Variants in WDFY4 observed in about 807,000 individuals in gnomAD.
WDFY4 encodes the protein WDFY family member 4.
In WDFY4, 169 loss-of-function variants were observed where a neutral mutation model predicts 351.9. The ratio of observed to expected loss-of-function variants is 0.48; its 90% CI spans 0.42 to 0.55. The LOEUF (loss-of-function observed/expected upper bound fraction) is 0.55. Ranked by LOEUF, WDFY4 falls within the 20% of genes least tolerant of loss-of-function variation. The pLI is 0.00. For synonymous variants in WDFY4, 1,622 were observed against 1,574.6 expected (o/e 1.03, Z -0.71); for missense variants, 3,803 against 3,935.6 (o/e 0.97, Z 0.90).
intron 1 of WDFY4, among the ~76,000 whole-genome samples, chr10:48,698,476 C>T (rs1589407666): frequency 6.6e-6 from 1 of 152,144 alleles, no homozygotes; most frequent in African/African-American, 2.4e-5. Flanking sequence ...AGTGGCCTCC[C>T]GGAGGAACAG....
chr10:48,772,815 C>T (rs11101472), intron 13 of WDFY4, among the ~76,000 whole-genome samples: 5 of 147,746 alleles, frequency 3.4e-5, no homozygotes, highest in African/African-American at 7.7e-5. Context: ...TTTGTTCTTG[C>T]GATAGTTTAC....
intron 39 of WDFY4, 58 bp from the exon 40 acceptor site, chr10:48,867,207 A>AAAATAAAATG (rs2069578582): frequency 2.7e-6 from 2 of 729,100 alleles, no homozygotes; most frequent in Non-Finnish European, 3.9e-6. Flanking sequence ...AAAATAAAAT[A>AAAATAAAATG]AAATAAAATA....
chr10:48,829,986 C>T (rs1321720966), intron 37 of WDFY4, among the ~76,000 whole-genome samples: 1 of 152,172 alleles, frequency 6.6e-6, no homozygotes, highest in East Asian at 1.9e-4. Flanking sequence ...TGGGACTTGG[C>T]CAGTAGAGCT....
At chr10:48,722,215 C>T (rs760931549) in intron 4 of WDFY4, among the ~76,000 whole-genome samples, 1 of 152,188 alleles carries the variant, frequency 6.6e-6, no homozygotes, top group Non-Finnish European at 1.5e-5. Flanking sequence ...GGGAGGACCT[C>T]CTGACACTTC....
intron 45 of WDFY4, 89 bp from the exon 46 acceptor site, chr10:48,900,132 G>T: frequency 5.1e-6 from 6 of 1,172,616 alleles, no homozygotes; most frequent in Non-Finnish European, 6.0e-6. Context: ...ACGGAGACCC[G>T]CAATGACCCA....
At chr10:48,730,730 A>G (rs2064432293) in intron 8 of WDFY4, among the ~76,000 whole-genome samples, 2 of 152,390 alleles carry the variant, frequency 1.3e-5, no homozygotes, top group Non-Finnish European at 2.9e-5. Context: ...AACAAGTTAA[A>G]TTATTTTTGA....
chr10:48,958,375 A>G (rs1841705283), intron 52 of WDFY4, among the ~76,000 whole-genome samples: 1 of 151,312 alleles, frequency 6.6e-6, no homozygotes, highest in South Asian at 2.1e-4. Context: ...AGCAGGAGTC[A>G]CTCAGGGAGG....
At chr10:48,978,223 C>G (rs1161536646) in intron 59 of WDFY4, 86 bp from the exon 60 acceptor site, 1 of 1,386,852 alleles carries the variant, frequency 7.2e-7, no homozygotes, top group Non-Finnish European at 9.8e-7. Context: ...TGGGGGACCC[C>G]TAGGCGTGAG....
intron 1 of WDFY4, among the ~76,000 whole-genome samples, chr10:48,693,740 T>C (rs1048042568): frequency 4.6e-5 from 7 of 151,596 alleles, no homozygotes; most frequent in Admixed American, 3.3e-4. Context: ...CCCCCACTTC[T>C]AGTGGCTAGC....
chr10:48,776,052 A>C (rs2132627465), intron 15 of WDFY4, among the ~76,000 whole-genome samples: 2 of 152,288 alleles, frequency 1.3e-5, no homozygotes, highest in Middle Eastern at 3.4e-3. Flanking sequence ...TGGGTTCCAG[A>C]TCATGGAAGC....
chr10:48,745,000 C>T (rs537107754), intron 12 of WDFY4, among the ~76,000 whole-genome samples: 2 of 152,228 alleles, frequency 1.3e-5, no homozygotes, highest in East Asian at 3.9e-4. Flanking sequence ...TTTGACTTTT[C>T]CTGTTTCTCC....
intron 12 of WDFY4, among the ~76,000 whole-genome samples, chr10:48,751,817 G>T (rs1259676930): frequency 1.3e-5 from 2 of 152,170 alleles, no homozygotes; most frequent in Non-Finnish European, 2.9e-5. Flanking sequence ...GATTGGAGTA[G>T]TCATCCTCTC....
chr10:48,874,296 T>A (rs889208409), intron 41 of WDFY4, among the ~76,000 whole-genome samples: 1 of 152,226 alleles, frequency 6.6e-6, no homozygotes, highest in Non-Finnish European at 1.5e-5. Flanking sequence ...TATTTTGCCT[T>A]TTAAAAGAAA....
rs1294037325 is a variant in WDFY4, at chr10:48,731,141, G to A, written c.1161G>A (p.Gln387=). The A allele has an allele frequency of 7.7e-6, 12 of 1,549,594 alleles. No individual in the cohort carries two copies. The highest frequency in any genetic ancestry group is 1.7e-4 in the Middle Eastern group (1 of 5,984). The change falls in exon 9 of 62, where the codon CAG becomes CAA. Residue 387 remains glutamine, a synonymous_variant. Coordinates refer to ENST00000325239, the MANE Select transcript of WDFY4 (RefSeq NM_001394531.1). ...GVTVKNLQAF[Q]VLQNVFHKAS... ...CTGTTAAGAATCTTCAGGCCTTCCA[G>A]GTCCTACAGAATGTTTTCCACAAAG...
In WDFY4 at chr10:48,776,635, G is replaced by C. The variant is rs2066039107; in HGVS notation, c.2864-115G>C. On this transcript the variant is annotated intron_variant, in intron 15 of 61. Transcript: ENST00000325239. Reference sequence around the variant, plus strand: ...CTCGCTGGTGCTTAGGAAGTACCTGGTGACTGTGCGAAACTCTCTTTCTGG... The same window carrying C: ...CTCGCTGGTGCTTAGGAAGTACCTGCTGACTGTGCGAAACTCTCTTTCTGG... 2.8e-6 allele frequency: 3 copies of C among 1,052,832 alleles called. No homozygotes were observed. In the African/African-American group the frequency reaches 4.8e-5, roughly 17 times the overall value. The allele number at this position is 1,052,832 out of a possible 1,614,324, so 65.2% of individuals were successfully genotyped here.
At chr10:48,966,024 C>T (rs1842066337) in intron 54 of WDFY4, among the ~76,000 whole-genome samples, 1 of 152,044 alleles carries the variant, frequency 6.6e-6, no homozygotes, top group Non-Finnish European at 1.5e-5. Context: ...AGAAATAGGC[C>T]ACTAATGGGA....
At chr10:48,858,375 T>C (rs1312707019) in intron 39 of WDFY4, among the ~76,000 whole-genome samples, 2 of 152,236 alleles carry the variant, frequency 1.3e-5, no homozygotes, top group Non-Finnish European at 2.9e-5. Context: ...CTGTGGTCCA[T>C]TTTGAATTAA....
chr10:48,794,399 A>G (rs945047421), intron 23 of WDFY4, among the ~76,000 whole-genome samples: 9 of 152,132 alleles, frequency 5.9e-5, no homozygotes. Flanking sequence ...ATGCTGGGAC[A>G]TGCTCAGTGG....
chr10:48,833,141 ATGTGTG>A (rs1227956041), intron 39 of WDFY4, among the ~76,000 whole-genome samples: 80 of 141,712 alleles, frequency 5.6e-4, no homozygotes, highest in Non-Finnish European at 8.9e-4. Context: ...GGCACCAACA[ATGTGTG>A]TGTGTGTGTG....
Sources: allele counts gnomAD v4.1 joint callset (sites outside exome capture counted in the v4.1 genomes callset), GRCh38; gene constraint gnomAD v4.1.1; transcripts MANE v1.5; gene names NCBI Gene and HGNC (gene_info 2026-07-23, HGNC 2026-07-21).